The following BDH1 variants were observed in gnomAD, a reference collection of about 807,000 sequenced individuals.
BDH1 encodes the protein 3-hydroxybutyrate dehydrogenase 1.
In BDH1, 30 loss-of-function variants were observed where a neutral mutation model predicts 33.1. The observed-to-expected ratio is 0.91, with a 90% CI of 0.68 to 1.23. The LOEUF is 1.23. Ranked by LOEUF, BDH1 falls within the 50% of genes most tolerant of loss-of-function variation. BDH1 has a pLI of 0.00. For synonymous variants in BDH1, 190 were observed against 183.6 expected, an observed-to-expected ratio of 1.03 and a Z score of -0.28; for missense variants, 443 against 464.4, an observed-to-expected ratio of 0.95 and a Z score of 0.42.
Position 197,511,323 on chromosome 3 carries a change from T to C in BDH1, c.*572A>G, listed in dbSNP as rs1165672729. On this transcript the variant is annotated 3_prime_UTR_variant, in exon 8 of 8. Transcript: ENST00000392379. ...GGCCAGTCACACAGCACCATGGACA[T>C]GCAGAGGTACCAGTGGGCACTTGGT... The C allele has an allele frequency of 6.5e-6, 1 of 152,706 alleles. No homozygotes were observed. The highest frequency in any genetic ancestry group is 1.5e-5 in the Non-Finnish European group (1 of 68,452). The allele number at this position is 152,706 out of a possible 1,614,324, so 9.5% of individuals were successfully genotyped here. A position where few individuals can be genotyped will look rare whatever the true frequency, so the allele number is the denominator to read the frequency against.
In BDH1 at chr3:197,511,965, T is replaced by TA. The variant is rs753427741; in HGVS notation, c.961dup (p.Tyr321LeufsTer68). ...CATGATCTGCATTCGCAGCCACCAG[T>TA]AGTAGTCCATGGGGTGGTAGCGGGT... On this transcript the variant is annotated frameshift_variant, in exon 8 of 8. Transcript: ENST00000392379. LOFTEE classifies it high-confidence loss of function. 6.2e-7 allele frequency: 1 copy of TA among 1,607,232 alleles called. No homozygotes were observed. Among genetic ancestry groups the TA allele is most frequent in the Non-Finnish European group, 8.5e-7 (1 of 1,176,152 alleles).
At chr3:197,535,032 C>T (rs1334344696) in intron 3 of BDH1, among the ~76,000 whole-genome samples, 1 of 152,192 alleles carries the variant, frequency 6.6e-6, no homozygotes, top group Non-Finnish European at 1.5e-5. Flanking sequence ...TGTCTTCTCA[C>T]TGTAACCTCA....
intron 2 of BDH1, among the ~76,000 whole-genome samples, chr3:197,549,977 A>T (rs1005341091): frequency 6.7e-6 from 1 of 150,100 alleles, no homozygotes; most frequent in Non-Finnish European, 1.5e-5. Flanking sequence ...AATAACTATT[A>T]TATATATATT....
intron 3 of BDH1, among the ~76,000 whole-genome samples, chr3:197,540,185 GGATT>G (rs1253381596): frequency 6.6e-6 from 1 of 151,896 alleles, no homozygotes; most frequent in African/African-American, 2.4e-5. Context: ...CAAGTAGCTG[GGATT>G]ATTATAGGCA....
intron 1 of BDH1, among the ~76,000 whole-genome samples, chr3:197,568,948 T>C (rs1040963588): frequency 6.6e-6 from 1 of 152,184 alleles, no homozygotes; most frequent in African/African-American, 2.4e-5. Flanking sequence ...CAATAAATGG[T>C]TCATTTCTAT....
At chr3:197,536,922 T>C (rs1448036107) in intron 3 of BDH1, among the ~76,000 whole-genome samples, 1 of 152,232 alleles carries the variant, frequency 6.6e-6, no homozygotes, top group African/African-American at 2.4e-5. Flanking sequence ...ACATGTTTGT[T>C]ACATCTATTT....
At position 197,563,367 on chromosome 3, in the gene BDH1, T is replaced by C. The variant is rs1027484193; in HGVS notation, c.-44+9814A>G. Among the ~76,000 whole-genome samples, 104 of 152,322 alleles carry C rather than the reference T, an allele frequency of 6.8e-4. 1 individual carries two copies. Among genetic ancestry groups the C allele is most frequent in the African/African-American group, 2.3e-3 (94 of 41,570 alleles). On this transcript the variant is annotated intron_variant, in intron 1 of 6. Transcript: ENST00000358186. ...AAGAAGACCCTTTAGAATGCATCTC[T>C]GAACTAGAATTAGGATCCTTAAACA...
chr3:197,528,495 G>A lies in BDH1; in HGVS notation c.267+3917C>T, dbSNP rs543226565. 4.6e-5 allele frequency: 7 copies of A among 152,306 alleles called. No individual in the cohort carries two copies. The highest frequency in any genetic ancestry group is 8.8e-5 in the Non-Finnish European group (6 of 68,034). 9.4% of individuals were successfully genotyped at this position (152,306 alleles called of 1,614,324 possible). A position where few individuals can be genotyped will look rare whatever the true frequency, so the allele number is the denominator to read the frequency against. On this transcript the variant is annotated intron_variant, in intron 5 of 7. Coordinates refer to ENST00000392379, the MANE Select transcript of BDH1 (RefSeq NM_203314.3). The surrounding 1 kb of genome is among the most constrained non-coding windows in gnomAD (Gnocchi z 5.1). Reference sequence around the variant, plus strand: ...GCAGAGAGAGTGTTTAGGTACAGATGTAGCCGGAATCCATCATGGGGCTAA... The same window carrying A: ...GCAGAGAGAGTGTTTAGGTACAGATATAGCCGGAATCCATCATGGGGCTAA...
intron 3 of BDH1, among the ~76,000 whole-genome samples, chr3:197,536,698 C>T (rs995312462): frequency 5.3e-5 from 8 of 152,120 alleles, no homozygotes; most frequent in Admixed American, 2.0e-4. Flanking sequence ...AAAAACCAGC[C>T]GGGCATGGTG....
chr3:197,540,487 G>T (rs1057036894), intron 3 of BDH1, among the ~76,000 whole-genome samples: 1 of 151,724 alleles, frequency 6.6e-6, no homozygotes, highest in Non-Finnish European at 1.5e-5. Context: ...TGGCCAACAT[G>T]GTGAAACCCC....
At chr3:197,557,487 A>G (rs113813072), upstream of BDH1, among the ~76,000 whole-genome samples, 733 of 152,310 alleles carry the variant, frequency 4.8e-3, 5 homozygotes, top group African/African-American at 0.015. This position sits in a 1 kb window ranked among gnomAD's most constrained non-coding sequence, Gnocchi z 4.6. Context: ...GCTCACGCCT[A>G]TAATCCCAGC....
At chr3:197,553,796 G>C (rs1054396098) in intron 2 of BDH1, among the ~76,000 whole-genome samples, 2 of 152,184 alleles carry the variant, frequency 1.3e-5, no homozygotes, top group Admixed American at 1.3e-4. Flanking sequence ...ATTAGAATTG[G>C]TAAGTCTGGC....
In BDH1 at chr3:197,511,064, TAAA is replaced by T. The variant is rs1711971497; in HGVS notation, c.*828_*830del. 1 of 152,058 alleles carries T rather than the reference TAAA, an allele frequency of 6.6e-6. No individual in the cohort carries two copies. The allele number at this position is 152,058 out of a possible 1,614,324, so 9.4% of individuals were successfully genotyped here. A position where few individuals can be genotyped will look rare whatever the true frequency, so the allele number is the denominator to read the frequency against. On this transcript the variant is annotated 3_prime_UTR_variant, in exon 8 of 8. Transcript: ENST00000392379. ...CAACATGGTGAAACCCCATCTCTACTAAAAATACAAAAATTAGCCCGGCATGGT... is the reference window on the plus strand; with the variant it reads ...CAACATGGTGAAACCCCATCTCTACTAATACAAAAATTAGCCCGGCATGGT...
At chr3:197,534,868 CTTAGTCTGT>C (rs1424691257) in intron 3 of BDH1, among the ~76,000 whole-genome samples, 1 of 152,196 alleles carries the variant, frequency 6.6e-6, no homozygotes, top group Non-Finnish European at 1.5e-5. Flanking sequence ...TGTCACCTGT[CTTAGTCTGT>C]TTGGGCTGCT....
At chr3:197,572,858 TTAC>T (rs370269350) in intron 1 of BDH1, among the ~76,000 whole-genome samples, 3 of 152,222 alleles carry the variant, frequency 2.0e-5, no homozygotes, top group African/African-American at 7.2e-5. Context: ...ATCTAATGTA[TTAC>T]AACAAGCTGT....
Position 197,516,306 on chromosome 3 carries a change from A to G in BDH1, c.410-1890T>C, listed in dbSNP as rs933542548. Among the ~76,000 whole-genome samples the G allele has an allele frequency of 6.6e-6, 1 of 152,200 alleles. No homozygotes were observed. Among genetic ancestry groups the G allele is most frequent in the Non-Finnish European group, 1.5e-5 (1 of 68,034 alleles). ...TTTGATTCATAACGGACAATATCCC[A>G]TGACTTAAAATGCATACAGCCCTTT... On this transcript the variant is annotated intron_variant, in intron 6 of 7. Transcript: ENST00000392379. This position sits in a 1 kb window ranked among gnomAD's most constrained non-coding sequence, Gnocchi z 4.2.
rs1393516109 is a variant in BDH1, at chr3:197,522,847, C to T, written c.268-66G>A. The stretch of plus-strand genomic sequence containing the variant: ...CACCCTGAGGCAGACCCTGAGGACT[C>T]CTGTCAAGGCAGGAGCTGGCCTCAA... On this transcript the variant is annotated intron_variant, in intron 5 of 7. Transcript: ENST00000392379. This position sits in a 1 kb window ranked among gnomAD's most constrained non-coding sequence, Gnocchi z 4.8. 2 of 1,569,050 alleles carry T rather than the reference C, an allele frequency of 1.3e-6. No individual in the cohort carries two copies. The highest frequency in any genetic ancestry group is 2.3e-5 in the East Asian group (1 of 44,314).
At chr3:197,530,525 G>A (rs1487197974) in intron 5 of BDH1, 9 of 150,594 alleles carry the variant, frequency 6.0e-5, no homozygotes, top group Admixed American at 1.3e-4. Flanking sequence ...GCAGTGAGCC[G>A]ACACTGGGCC....
rs1309450477 is a variant in BDH1, at chr3:197,510,600, GTGT to G, written c.*1292_*1294del. On this transcript the variant is annotated 3_prime_UTR_variant, in exon 8 of 8. Transcript: ENST00000392379. ...CACGCTGAAGCCCTGCAGAACAGGG[GTGT>G]GTGTGTGTGTGTGTGTGTGTGTGTG... 2.7e-3 allele frequency: 48 copies of G among 18,030 alleles called. 1 individual carries two copies. The highest frequency in any genetic ancestry group is 0.017 in the Admixed American group (40 of 2,400). 1.1% of individuals were successfully genotyped at this position (18,030 alleles called of 1,614,324 possible).
Sources: allele counts gnomAD v4.1 joint callset (sites outside exome capture counted in the v4.1 genomes callset), GRCh38; gene constraint gnomAD v4.1.1; non-coding constraint Gnocchi (gnomAD v3.1); transcripts MANE v1.5; gene names NCBI Gene and HGNC (gene_info 2026-07-23, HGNC 2026-07-21).